The following RP9 variants were observed in gnomAD, a reference collection of about 807,000 sequenced individuals.
RP9 encodes RP9 pre-mRNA splicing factor, also known as retinitis pigmentosa 9 protein.
In RP9, 23 loss-of-function variants were observed where a neutral mutation model predicts 32.6. That is an observed-to-expected ratio of 0.71 (90% CI 0.51 to 1.00). RP9 has a LOEUF of 1.00. Ranked by LOEUF, RP9 falls within the 50% of genes least tolerant of loss-of-function variation. The pLI, the probability that RP9 is intolerant of heterozygous loss-of-function variation, is 0.00. For synonymous variants in RP9, 94 were observed against 103.6 expected (o/e 0.91, Z 0.56); for missense variants, 245 against 285.3 (o/e 0.86, Z 1.02).
In RP9 at chr7:33,109,308, G is replaced by A. The variant is rs1324012988; in HGVS notation, c.65C>T (p.Pro22Leu). The change falls in exon 1 of 6, where the codon CCG becomes CTG. Residue 22 changes from proline (P) to leucine (L), a missense_variant. Transcript: ENST00000297157. The surrounding 1 kb of genome is among the most constrained non-coding windows in gnomAD (Gnocchi z 4.9). ...CCGACGTCGCTGCAGCTCCTGCTCC[G>A]GCGGCTCACGCGGCCGCCGCGCGCC... ...AAGARRPREPPEQELQRRREQ... is the reference protein window; with the variant it reads ...AAGARRPREPLEQELQRRREQ... The A allele has an allele frequency of 4.8e-6, 7 of 1,469,940 alleles. No individual in the cohort carries two copies. Among genetic ancestry groups the A allele is most frequent in the South Asian group, 1.3e-5 (1 of 78,526 alleles). The allele number at this position is 1,469,940 out of a possible 1,614,324, so 91.1% of individuals were successfully genotyped here.
At chr7:33,104,552 G>A (rs115758828) in intron 1 of RP9, among the ~76,000 whole-genome samples, 190 of 152,146 alleles carry the variant, frequency 1.2e-3, no homozygotes, top group African/African-American at 4.3e-3. Flanking sequence ...AACGTTTAAG[G>A]GTGAGGTGAA....
At chr7:33,097,456 A>T (rs1788355583) in intron 3 of RP9, 94 bp from the exon 4 acceptor site, 2 of 884,110 alleles carry the variant, frequency 2.3e-6, no homozygotes, top group Non-Finnish European at 3.6e-6. Context: ...TTCTTCATTA[A>T]ACTCTAATTC....
intron 1 of RP9, among the ~76,000 whole-genome samples, chr7:33,108,821 G>C (rs1039817220): frequency 2.0e-5 from 3 of 152,200 alleles, no homozygotes; most frequent in Admixed American, 2.0e-4. Flanking sequence ...TCTGTCTTAT[G>C]ACAATTTAAT....
chr7:33,100,455 A>T (rs1318465801), intron 2 of RP9, 76 bp downstream of exon 2: 1 of 1,222,330 alleles, frequency 8.2e-7, no homozygotes, highest in Non-Finnish European at 1.2e-6. Flanking sequence ...ACATCATGCA[A>T]TTATTTTTCA....
In RP9 at chr7:33,095,018, C is replaced by G. The variant is rs1788307926; in HGVS notation, c.*216G>C. ...GGAGGACAACGATGAAGAAACTTTC[C>G]TGCCTAAAATCAGCTGCTGTCCAGA... On this transcript the variant is annotated 3_prime_UTR_variant, in exon 6 of 6. Coordinates refer to ENST00000297157, the MANE Select transcript of RP9 (RefSeq NM_203288.2). 1 of 577,078 alleles carries G rather than the reference C, an allele frequency of 1.7e-6. No homozygotes were observed. Among genetic ancestry groups the G allele is most frequent in the African/African-American group, 1.9e-5 (1 of 53,280 alleles). The allele number at this position is 577,078 out of a possible 1,614,324, so 35.7% of individuals were successfully genotyped here. A position where few individuals can be genotyped will look rare whatever the true frequency, so the allele number is the denominator to read the frequency against.
intron 5 of RP9, among the ~76,000 whole-genome samples, chr7:33,096,281 G>A (rs1297045703): frequency 1.3e-5 from 2 of 152,224 alleles, no homozygotes; most frequent in Non-Finnish European, 2.9e-5. Flanking sequence ...GCTGGACCAA[G>A]CCCATGGCTT....
At position 33,106,161 on chromosome 7, in the gene RP9, G is replaced by GT. The variant is rs200910013; in HGVS notation, c.152+3059dup. ...AGTAATAATTCATAGTTATATTGCTGTTTTTTTTTTGTTTGTTTGTTTTTG... is the reference window on the plus strand; with the variant it reads ...AGTAATAATTCATAGTTATATTGCTGTTTTTTTTTTTGTTTGTTTGTTTTTG... On this transcript the variant is annotated intron_variant, in intron 1 of 5. Coordinates refer to ENST00000297157, the MANE Select transcript of RP9 (RefSeq NM_203288.2). Among the ~76,000 whole-genome samples, 568 of 148,338 alleles carry GT rather than the reference G, an allele frequency of 3.8e-3. 4 individuals are homozygous for GT. The highest frequency in any genetic ancestry group is 0.025 in the East Asian group (130 of 5,110).
chr7:33,103,227 C>T (rs1788453443), intron 1 of RP9, among the ~76,000 whole-genome samples: 1 of 152,186 alleles, frequency 6.6e-6, no homozygotes, highest in South Asian at 2.1e-4. Context: ...CAGGAGGCTG[C>T]CTGCCCAACA....
rs1257105577 is a variant in RP9 at position 33,095,329 on chromosome 7, T to C, written c.571A>G (p.Lys191Glu). 1 of 1,612,352 alleles carries C rather than the reference T, an allele frequency of 6.2e-7. No homozygotes were observed. The highest frequency in any genetic ancestry group is 1.1e-5 in the South Asian group (1 of 90,582). ...GKEKHKKKKK[K>E]EKHKKRKKEK... is the part of the protein sequence containing the mutation. The stretch of plus-strand genomic sequence containing the variant: ...TTCTTCCTTTTCTTATGCTTTTCTT[T>C]CTTCTTCTTTTTCTTGTGTTTCTCT... The change falls in exon 6 of 6, where the codon AAA becomes GAA. Residue 191 changes from lysine to glutamate, a missense_variant. Lys to Glu is a moderately conservative substitution (Grantham distance 56). This residue lies in a region of RP9 where 63 missense variants were observed against 109.8 expected (regional missense o/e 0.57). Transcript: ENST00000297157.
chr7:33,096,691 GGTCAC>G, intron 4 of RP9, 137 bp from the exon 5 acceptor site: 1 of 724,000 alleles, frequency 1.4e-6, no homozygotes, highest in Non-Finnish European at 2.5e-6. Flanking sequence ...ACATGTTCTA[GGTCAC>G]ATCACTGAAA....
At position 33,109,164 on chromosome 7, in the gene RP9, C is replaced by T. The variant is rs1788544744; in HGVS notation, c.152+57G>A. 15 of 1,469,440 alleles carry T rather than the reference C, an allele frequency of 1.0e-5. No homozygotes were observed. Among genetic ancestry groups the T allele is most frequent in the African/African-American group, 1.5e-5 (1 of 67,628 alleles). The allele number at this position is 1,469,440 out of a possible 1,614,324, so 91.0% of individuals were successfully genotyped here. A position where few individuals can be genotyped will look rare whatever the true frequency, so the allele number is the denominator to read the frequency against. On this transcript the variant is annotated intron_variant, in intron 1 of 5. Transcript: ENST00000297157. The surrounding 1 kb of genome is among the most constrained non-coding windows in gnomAD (Gnocchi z 4.9). ...CTAGCGCCCACCGCGGCGTCCCGCG[C>T]CCCGGGCCCCTGGCTTCAGAAGACT...
In RP9 at chr7:33,097,346, G is replaced by A. The variant is rs1336000244; in HGVS notation, c.330C>T (p.Arg110=). 6.2e-7 allele frequency: 1 copy of A among 1,613,566 alleles called. No individual in the cohort carries two copies. Among genetic ancestry groups the A allele is most frequent in the East Asian group, 2.2e-5 (1 of 44,886 alleles). The stretch of plus-strand genomic sequence containing the variant: ...CTTTGTCACCCGTTCGGTGACCATA[G>A]CGTTTGCAACGCCAACCTAAAAACG... ...VKVMQCWRCK[R]YGHRTGDKEC... The change falls in exon 4 of 6, where the codon CGC becomes CGT. Residue 110 remains arginine (R), a synonymous_variant. Coordinates refer to ENST00000297157, the MANE Select transcript of RP9 (RefSeq NM_203288.2).
Position 33,094,830 on chromosome 7 carries a change from C to T in RP9, c.*404G>A, listed in dbSNP as rs1788304711. On this transcript the variant is annotated 3_prime_UTR_variant, in exon 6 of 6. Transcript: ENST00000297157. ...ATAAATAATGAGCTTTTATTATTCTCAACAACAGAGAAGACTCCAGCCTGA... is the reference window on the plus strand; with the variant it reads ...ATAAATAATGAGCTTTTATTATTCTTAACAACAGAGAAGACTCCAGCCTGA... The T allele has an allele frequency of 4.8e-6, 1 of 209,432 alleles. No homozygotes were observed. Among genetic ancestry groups the T allele is most frequent in the African/African-American group, 2.3e-5 (1 of 43,546 alleles). The allele number at this position is 209,432 out of a possible 1,614,324, so 13.0% of individuals were successfully genotyped here.
At chr7:33,097,626 AT>A (rs920767139) in intron 3 of RP9, among the ~76,000 whole-genome samples, 5 of 149,118 alleles carry the variant, frequency 3.4e-5, no homozygotes, top group Non-Finnish European at 4.5e-5. Flanking sequence ...CAAAAGGTGA[AT>A]TTTTTTTTTT....
intron 2 of RP9, 167 bp downstream of exon 2, chr7:33,100,364 G>C (rs1231017370): frequency 1.4e-6 from 1 of 697,568 alleles, no homozygotes; most frequent in East Asian, 2.7e-5. Context: ...TGCAAAGGCA[G>C]AGGCTTGTGA....
At chr7:33,096,883 C>T (rs375754185) in intron 4 of RP9, among the ~76,000 whole-genome samples, 21 of 152,192 alleles carry the variant, frequency 1.4e-4, no homozygotes, top group Non-Finnish European at 2.5e-4. Context: ...AAAAAATATA[C>T]GGACACTTTA....
In RP9 at chr7:33,097,316, G is replaced by T; in HGVS notation, c.360C>A (p.Cys120Ter). The stretch of plus-strand genomic sequence containing the variant: ...TTTGGTTGCCTTTGATAAAGAAAGG[G>T]CATTCTTTGTCACCCGTTCGGTGAC... ...RYGHRTGDKE[C>*]PFFIKGNQKL... The change falls in exon 4 of 6, where the codon TGC becomes TGA. Residue 120 changes from cysteine (C) to a stop codon, truncating the protein, a stop_gained. Transcript: ENST00000297157. LOFTEE classifies it high-confidence loss of function. The T allele has an allele frequency of 6.2e-7, 1 of 1,613,912 alleles. No individual in the cohort carries two copies. Among genetic ancestry groups the T allele is most frequent in the East Asian group, 2.2e-5 (1 of 44,862 alleles).
At chr7:33,099,498 T>C (rs1168473541) in intron 2 of RP9, 62 bp from the exon 3 acceptor site, 16 of 1,598,902 alleles carry the variant, frequency 1.0e-5, no homozygotes, top group Non-Finnish European at 1.4e-5. Context: ...CCTGCTCCCC[T>C]TGGAGCCACC....
At chr7:33,104,527 A>G (rs1358368650) in intron 1 of RP9, among the ~76,000 whole-genome samples, 1 of 152,200 alleles carries the variant, frequency 6.6e-6, no homozygotes, top group Non-Finnish European at 1.5e-5. Flanking sequence ...TGGCAGCAAT[A>G]AAGAATAGTT....
Sources: allele counts gnomAD v4.1 joint callset (sites outside exome capture counted in the v4.1 genomes callset), GRCh38; gene constraint gnomAD v4.1.1; regional missense constraint gnomAD v4.1.1; non-coding constraint Gnocchi (gnomAD v3.1); transcripts MANE v1.5; gene names NCBI Gene and HGNC (gene_info 2026-07-23, HGNC 2026-07-21).